Variants in SUGT1 observed in about 807,000 individuals in gnomAD.
The protein encoded by SUGT1 is SGT1 assembly cochaperone of MIS12 kinetochore complex.
In SUGT1, 15 loss-of-function variants were observed where a neutral mutation model predicts 56.1. That is an observed-to-expected ratio of 0.27 (90% confidence interval 0.18 to 0.41). SUGT1 has a LOEUF of 0.41. Among genes scored for constraint, SUGT1 ranks in the 10% least tolerant of loss-of-function variants. SUGT1 has a pLI of 1.00. For missense variants in SUGT1, 347 were observed against 382.2 expected (o/e 0.91, Z 0.77); for synonymous variants, 123 against 128.6 (o/e 0.96, Z 0.30).
intron 11 of SUGT1, among the ~76,000 whole-genome samples, chr13:52,677,309 T>TAG (rs1340073701): frequency 6.6e-6 from 1 of 152,210 alleles, no homozygotes; most frequent in Non-Finnish European, 1.5e-5. Context: ...GTGTCTTAAC[T>TAG]AGTCCAATGA....
In SUGT1 at chr13:52,679,104, A is replaced by G. The variant is rs192160288; in HGVS notation, c.719-870A>G. On this transcript the variant is annotated intron_variant, in intron 11 of 12. Coordinates refer to ENST00000310528, the MANE Select transcript of SUGT1 (RefSeq NM_006704.5). Reference sequence around the variant, plus strand: ...TAGTTACTAGGAAGTTTTAAATTATATATGTGACTCACATTTGAGGCTGTC... The same window carrying G: ...TAGTTACTAGGAAGTTTTAAATTATGTATGTGACTCACATTTGAGGCTGTC... 1.6e-3 allele frequency among the ~76,000 whole-genome samples: 250 copies of G among 152,366 alleles called. 2 individuals are homozygous for G. Among genetic ancestry groups the G allele is most frequent in the African/African-American group, 5.8e-3 (241 of 41,590 alleles).
chr13:52,659,296 T>A, intron 5 of SUGT1, 47 bp downstream of exon 5: 1 of 1,204,042 alleles, frequency 8.3e-7, no homozygotes, highest in Non-Finnish European at 1.1e-6. Context: ...ATTTCTGTCT[T>A]AAATACCAAA....
Position 52,658,122 on chromosome 13 carries a change from A to G in SUGT1, c.188-277A>G, listed in dbSNP as rs1248183608. ...AGGGAAAAACTGAATACCTTGAGTA[A>G]AATTACATAGAAAATGTTAATGAGA... On this transcript the variant is annotated intron_variant, in intron 3 of 12. Coordinates refer to ENST00000310528, the MANE Select transcript of SUGT1 (RefSeq NM_006704.5). The G allele has an allele frequency of 9.7e-6, 13 of 1,337,068 alleles. 1 individual carries two copies. Among genetic ancestry groups the G allele is most frequent in the Middle Eastern group, 2.0e-4 (1 of 4,962 alleles). The allele number at this position is 1,337,068 out of a possible 1,614,324, so 82.8% of individuals were successfully genotyped here.
Position 52,694,979 on chromosome 13 carries a change from TG to T in SUGT1, c.*7145del, listed in dbSNP as rs1221801597. Reference sequence around the variant, plus strand: ...CTGGGATTACAGGCGTGAGCCACCATGCCCAGCCTGCTGGTAGATGTTTTTA... The same window carrying T: ...CTGGGATTACAGGCGTGAGCCACCATCCCAGCCTGCTGGTAGATGTTTTTA... On this transcript the variant is annotated 3_prime_UTR_variant, in exon 13 of 13. Coordinates refer to ENST00000310528, the MANE Select transcript of SUGT1 (RefSeq NM_006704.5). The T allele has an allele frequency of 1.3e-5, 2 of 152,336 alleles. No individual in the cohort carries two copies. Among genetic ancestry groups the T allele is most frequent in the Non-Finnish European group, 2.9e-5 (2 of 68,112 alleles). 9.4% of individuals were successfully genotyped at this position (152,336 alleles called of 1,614,324 possible).
At position 52,688,371 on chromosome 13, in the gene SUGT1, T is replaced by C. The variant is rs1963673161; in HGVS notation, c.*536T>C. 6.6e-6 allele frequency: 1 copy of C among 152,380 alleles called. No homozygotes were observed. The highest frequency in any genetic ancestry group is 1.5e-5 in the Non-Finnish European group (1 of 68,030). The allele number at this position is 152,380 out of a possible 1,614,324, so 9.4% of individuals were successfully genotyped here. A position where few individuals can be genotyped will look rare whatever the true frequency, so the allele number is the denominator to read the frequency against. ...ATTATCACAGGGAATTCCCATGTAG[T>C]TCTTTTAATGGGAAGAATTTGTAAA... On this transcript the variant is annotated 3_prime_UTR_variant, in exon 13 of 13. Transcript: ENST00000310528.
At chr13:52,678,202 A>G (rs1343533007) in intron 11 of SUGT1, among the ~76,000 whole-genome samples, 2 of 152,158 alleles carry the variant, frequency 1.3e-5, no homozygotes, top group African/African-American at 2.4e-5. Context: ...TTACCTGGCT[A>G]CTAGTGAAAA....
intron 2 of SUGT1, among the ~76,000 whole-genome samples, chr13:52,655,894 A>G (rs991561342): frequency 1.3e-5 from 2 of 152,222 alleles, no homozygotes; most frequent in African/African-American, 4.8e-5. Flanking sequence ...GCATCAACAC[A>G]TATGTGAAGC....
At chr13:52,659,814 A>ATATTTTT (rs1555271105) in intron 5 of SUGT1, among the ~76,000 whole-genome samples, 1 of 58,726 alleles carries the variant, frequency 1.7e-5, no homozygotes, top group African/African-American at 7.4e-5. Flanking sequence ...ATATATATAT[A>ATATTTTT]TTTTTTTTTT....
intron 11 of SUGT1, among the ~76,000 whole-genome samples, chr13:52,676,715 T>C (rs1963156518): frequency 6.6e-6 from 1 of 152,228 alleles, no homozygotes; most frequent in Non-Finnish European, 1.5e-5. Context: ...TTCCTTCTAC[T>C]GATACTGTCA....
intron 5 of SUGT1, among the ~76,000 whole-genome samples, chr13:52,661,077 G>T (rs891776279): frequency 8.5e-5 from 13 of 152,166 alleles, no homozygotes; most frequent in African/African-American, 3.1e-4. Context: ...CTCTGAAAGT[G>T]CTGGGGTTAC....
intron 12 of SUGT1, among the ~76,000 whole-genome samples, chr13:52,686,606 G>A (rs942197558): frequency 1.3e-4 from 20 of 152,210 alleles, no homozygotes; most frequent in Non-Finnish European, 2.8e-4. Flanking sequence ...AGGGAGCTCG[G>A]TAGAGCGTGT....
intron 12 of SUGT1, among the ~76,000 whole-genome samples, chr13:52,682,934 T>C (rs2138171504): frequency 6.6e-6 from 1 of 152,348 alleles, no homozygotes; most frequent in Admixed American, 6.5e-5. Context: ...GTTAATTTTA[T>C]GTTTATCTTG....
intron 12 of SUGT1, chr13:52,687,036 A>G (rs9526982): frequency 0.36 from 47,877 of 132,662 alleles, 8,750 homozygotes; most frequent in Middle Eastern, 0.52. Context: ...GTGCCATTGC[A>G]CTCCAGCCTG....
chr13:52,686,344 C>T (rs1963588992), intron 12 of SUGT1, among the ~76,000 whole-genome samples: 1 of 152,222 alleles, frequency 6.6e-6, no homozygotes, highest in Non-Finnish European at 1.5e-5. Flanking sequence ...AAAATGTACT[C>T]CTTGCCCTTA....
intron 3 of SUGT1, 124 bp downstream of exon 3, chr13:52,657,746 C>A: frequency 1.3e-6 from 1 of 799,462 alleles, no homozygotes; most frequent in Non-Finnish European, 1.9e-6. Flanking sequence ...TAAAGTAGCT[C>A]AAATGTGACA....
chr13:52,677,496 C>T (rs1476612547), intron 11 of SUGT1, among the ~76,000 whole-genome samples: 1 of 152,164 alleles, frequency 6.6e-6, no homozygotes, highest in African/African-American at 2.4e-5. Flanking sequence ...GATTTTGAGG[C>T]TGAGGTTTAT....
At position 52,688,354 on chromosome 13, in the gene SUGT1, A is replaced by C. The variant is rs1307573635; in HGVS notation, c.*519A>C. 6.6e-6 allele frequency: 1 copy of C among 152,472 alleles called. No homozygotes were observed. Among genetic ancestry groups the C allele is most frequent in the Non-Finnish European group, 1.5e-5 (1 of 68,044 alleles). The allele number at this position is 152,472 out of a possible 1,614,324, so 9.4% of individuals were successfully genotyped here. On this transcript the variant is annotated 3_prime_UTR_variant, in exon 13 of 13. Transcript: ENST00000310528. The stretch of plus-strand genomic sequence containing the variant: ...AATGAGAACTTTGAGAAATTATCAC[A>C]GGGAATTCCCATGTAGTTCTTTTAA...
intron 11 of SUGT1, among the ~76,000 whole-genome samples, chr13:52,676,569 A>G (rs1306952374): frequency 6.6e-6 from 1 of 152,194 alleles, no homozygotes; most frequent in African/African-American, 2.4e-5. Flanking sequence ...TTTACCATGT[A>G]AAGTTTATGA....
In SUGT1 at chr13:52,699,483, T is replaced by C. The variant is rs1276833014; in HGVS notation, c.*11648T>C. 6.6e-6 allele frequency: 1 copy of C among 152,174 alleles called. No individual in the cohort carries two copies. Among genetic ancestry groups the C allele is most frequent in the Non-Finnish European group, 1.5e-5 (1 of 68,020 alleles). The allele number at this position is 152,174 out of a possible 1,614,324, so 9.4% of individuals were successfully genotyped here. A position where few individuals can be genotyped will look rare whatever the true frequency, so the allele number is the denominator to read the frequency against. Reference sequence around the variant, plus strand: ...ATAGGTGCTAAGTGAATGTTAAAAATTACGGTGCTGGTTGAGTAGGCCGAG... The same window carrying C: ...ATAGGTGCTAAGTGAATGTTAAAAACTACGGTGCTGGTTGAGTAGGCCGAG... On this transcript the variant is annotated 3_prime_UTR_variant, in exon 13 of 13. Coordinates refer to ENST00000310528, the MANE Select transcript of SUGT1 (RefSeq NM_006704.5).
Sources: gnomAD v4.1 joint callset for allele counts (sites outside exome capture counted in the v4.1 genomes callset) on GRCh38, gnomAD v4.1.1 for gene constraint, MANE v1.5 for transcripts, NCBI Gene and HGNC (gene_info 2026-07-23, HGNC 2026-07-21) for gene names.